XXYLT1: variants seen among roughly 807,000 people sequenced by gnomAD.
XXYLT1 encodes the protein xyloside xylosyltransferase 1, also known as UDP-xylose:alpha-xyloside alpha-1,3-xylosyltransferase.
Under a neutral mutation model 28.9 loss-of-function variants are expected in XXYLT1, and 20 were observed. The ratio of observed to expected loss-of-function variants is 0.69; its 90% CI spans 0.49 to 1.00. The LOEUF is 1.00. Among genes scored for constraint, XXYLT1 ranks in the 50% least tolerant of loss-of-function variants. The pLI, the probability that XXYLT1 is intolerant of heterozygous loss-of-function variation, is 0.00. For synonymous variants in XXYLT1, 257 were observed against 253.8 expected (o/e 1.01, Z -0.12); for missense variants, 542 against 560.1 (o/e 0.97, Z 0.33).
At chr3:195,238,457 C>T (rs969462970) in intron 1 of XXYLT1, among the ~76,000 whole-genome samples, 1 of 152,224 alleles carries the variant, frequency 6.6e-6, no homozygotes, top group African/African-American at 2.4e-5. Flanking sequence ...GGGCACTCCT[C>T]GTAGGCAGAG....
chr3:195,106,500 CTGGAACCTTCCAGGGCTCGG>C (rs1717097742), intron 3 of XXYLT1, among the ~76,000 whole-genome samples: 2 of 152,280 alleles, frequency 1.3e-5, no homozygotes, highest in Non-Finnish European at 1.5e-5. Context: ...GCCGGGCTCG[CTGGAACCTTCCAGGGCTCGG>C]TGATTCGGGG....
chr3:195,204,342 A>AC (rs1491282667), intron 2 of XXYLT1, among the ~76,000 whole-genome samples: 3 of 143,812 alleles, frequency 2.1e-5, no homozygotes, highest in Admixed American at 2.1e-4. Flanking sequence ...ACTCTGTCTC[A>AC]AAAAAAAAAA....
chr3:195,109,520 G>A (rs1372935375), intron 3 of XXYLT1, among the ~76,000 whole-genome samples: 1 of 147,214 alleles, frequency 6.8e-6, no homozygotes. Context: ...GTATGAGTGT[G>A]CATGTGTGTG....
At position 195,270,927 on chromosome 3, in the gene XXYLT1, G is replaced by A. The variant is rs1726005765; in HGVS notation, c.132C>T (p.Gly44=). 6.7e-7 allele frequency: 1 copy of A among 1,488,178 alleles called. No individual in the cohort carries two copies. Among genetic ancestry groups the A allele is most frequent in the Non-Finnish European group, 8.9e-7 (1 of 1,121,394 alleles). The allele number at this position is 1,488,178 out of a possible 1,614,324, so 92.2% of individuals were successfully genotyped here. A position where few individuals can be genotyped will look rare whatever the true frequency, so the allele number is the denominator to read the frequency against. Residue 44 remains glycine, a synonymous_variant, in exon 1 of 4, where the codon GGC becomes GGT. Transcript: ENST00000310380. ...TGGTGGCGCTGGAGAAGGTCTCCCG[G>A]CCTGAGCCGAGGTAGTAGAAGGCGC... The part of the protein sequence containing the change: ...AVCAFYYLGS[G]RETFSSATKR...
intron 3 of XXYLT1, among the ~76,000 whole-genome samples, chr3:195,097,057 C>T (rs561824047): frequency 9.2e-5 from 14 of 152,242 alleles, no homozygotes; most frequent in African/African-American, 2.7e-4. Context: ...GCTCCCCTGG[C>T]GTCCCTCTGC....
chr3:195,130,369 G>C (rs954283995), intron 3 of XXYLT1, among the ~76,000 whole-genome samples: 10 of 152,214 alleles, frequency 6.6e-5, no homozygotes, highest in African/African-American at 2.4e-4. Flanking sequence ...AGGCAGGTCT[G>C]GGCTTAGAGG....
chr3:195,157,256 A>C (rs1215328125), intron 2 of XXYLT1, among the ~76,000 whole-genome samples: 1 of 151,674 alleles, frequency 6.6e-6, no homozygotes, highest in East Asian at 1.9e-4. Flanking sequence ...AAAAAAAAAA[A>C]AAAAAAAAAA....
Position 195,115,681 on chromosome 3 carries a change from G to C in XXYLT1, c.785+40768C>G, listed in dbSNP as rs1205014204. ...TGCGGAGCAGTAACCCCCTCGTCTG[G>C]CTCCGGCAGCACACCGTGTGCGCTC... is the stretch of plus-strand genomic sequence containing the variant. On this transcript the variant is annotated intron_variant, in intron 3 of 3. Coordinates refer to ENST00000310380, the MANE Select transcript of XXYLT1 (RefSeq NM_152531.5). The surrounding 1 kb of genome is among the most constrained non-coding windows in gnomAD (Gnocchi z 4.2). Among the ~76,000 whole-genome samples, 1 of 152,198 alleles carries C rather than the reference G, an allele frequency of 6.6e-6. No individual in the cohort carries two copies. The highest frequency in any genetic ancestry group is 2.4e-5 in the African/African-American group (1 of 41,428).
At chr3:195,220,152 G>GA (rs1723756963) in intron 2 of XXYLT1, among the ~76,000 whole-genome samples, 1 of 152,104 alleles carries the variant, frequency 6.6e-6, no homozygotes, top group African/African-American at 2.4e-5. Context: ...TCTGTTGTTT[G>GA]AGACAGAGTC....
At chr3:195,184,147 G>C (rs954498168) in intron 2 of XXYLT1, among the ~76,000 whole-genome samples, 1 of 152,206 alleles carries the variant, frequency 6.6e-6, no homozygotes, top group African/African-American at 2.4e-5. Flanking sequence ...ATCAGAGCAA[G>C]ATACACAGGT....
chr3:195,099,079 G>A (rs1345368223), intron 3 of XXYLT1, among the ~76,000 whole-genome samples: 1 of 152,188 alleles, frequency 6.6e-6, no homozygotes, highest in Non-Finnish European at 1.5e-5. Context: ...AGCAGAGTAC[G>A]GTGTAATTAA....
intron 1 of XXYLT1, among the ~76,000 whole-genome samples, chr3:195,231,220 G>A (rs1048756981): frequency 7.2e-5 from 11 of 152,030 alleles, no homozygotes; most frequent in African/African-American, 2.7e-4. Flanking sequence ...TGTTGAATTT[G>A]TATTCTGCAA....
intron 3 of XXYLT1, among the ~76,000 whole-genome samples, chr3:195,112,483 C>T (rs865969133): frequency 6.7e-5 from 9 of 133,632 alleles, no homozygotes; most frequent in African/African-American, 1.6e-4. Flanking sequence ...CATGCACACA[C>T]GCATGGACAC....
Position 195,129,835 on chromosome 3 carries a change from C to T in XXYLT1, c.785+26614G>A, listed in dbSNP as rs1223588201. On this transcript the variant is annotated intron_variant, in intron 3 of 3. Transcript: ENST00000310380. This position sits in a 1 kb window ranked among gnomAD's most constrained non-coding sequence, Gnocchi z 4.4. ...TCAGTTCTCTCGGGTCTCTGTACACCTATCTAGGAGTGGAACGGCTGGTCA... is the reference window on the plus strand; with the variant it reads ...TCAGTTCTCTCGGGTCTCTGTACACTTATCTAGGAGTGGAACGGCTGGTCA... 1.3e-5 allele frequency among the ~76,000 whole-genome samples: 2 copies of T among 152,104 alleles called. No homozygotes were observed. Among genetic ancestry groups the T allele is most frequent in the Non-Finnish European group, 2.9e-5 (2 of 68,016 alleles).
rs1321944158 is a variant in XXYLT1, at chr3:195,256,435, C to T, written c.504+14120G>A. ...CGCAGGCCTGAGGTGCGGCCCTGCA[C>T]AGGGCAGGGCCCGAGAAACGAACCA... is the stretch of plus-strand genomic sequence containing the variant. On this transcript the variant is annotated intron_variant, in intron 1 of 3. Transcript: ENST00000310380. The surrounding 1 kb of genome is among the most constrained non-coding windows in gnomAD (Gnocchi z 4.2). 1.0e-6 allele frequency: 1 copy of T among 974,728 alleles called. No homozygotes were observed. Among genetic ancestry groups the T allele is most frequent in the Non-Finnish European group, 1.2e-6 (1 of 820,132 alleles). 60.4% of individuals were successfully genotyped at this position (974,728 alleles called of 1,614,324 possible). A position where few individuals can be genotyped will look rare whatever the true frequency, so the allele number is the denominator to read the frequency against.
intron 2 of XXYLT1, among the ~76,000 whole-genome samples, chr3:195,169,170 T>C (rs1202993192): frequency 6.6e-6 from 1 of 152,214 alleles, no homozygotes; most frequent in Non-Finnish European, 1.5e-5. Flanking sequence ...GTCGCAGCAG[T>C]CCCTGCTGGC....
chr3:195,106,188 T>G (rs9872141), intron 3 of XXYLT1, among the ~76,000 whole-genome samples: 28 of 152,040 alleles, frequency 1.8e-4, no homozygotes, highest in Non-Finnish European at 2.6e-4. Flanking sequence ...TTGTGGAAGC[T>G]CAATACACTG....
chr3:195,207,902 G>T (rs1723141987), intron 2 of XXYLT1, among the ~76,000 whole-genome samples: 1 of 152,114 alleles, frequency 6.6e-6, no homozygotes, highest in African/African-American at 2.4e-5. Flanking sequence ...CACCATGCAG[G>T]CCTCTCCACA....
intron 3 of XXYLT1, among the ~76,000 whole-genome samples, chr3:195,120,650 CG>C (rs1016421117): frequency 2.6e-5 from 4 of 152,172 alleles, no homozygotes; most frequent in African/African-American, 9.7e-5. Flanking sequence ...GTGTTCTCCT[CG>C]GATGGCTCCA....
Sources: allele counts gnomAD v4.1 joint callset (sites outside exome capture counted in the v4.1 genomes callset), GRCh38; gene constraint gnomAD v4.1.1; non-coding constraint Gnocchi (gnomAD v3.1); transcripts MANE v1.5; gene names NCBI Gene and HGNC (gene_info 2026-07-23, HGNC 2026-07-21).